KCNIP4: variants seen among roughly 807,000 people sequenced by gnomAD.
The protein encoded by KCNIP4 is potassium voltage-gated channel interacting protein 4.
Under a neutral mutation model 34.0 loss-of-function variants are expected in KCNIP4, and 12 were observed. The ratio of observed to expected loss-of-function variants is 0.35; its 90% CI spans 0.23 to 0.57. The LOEUF (loss-of-function observed/expected upper bound fraction) is 0.57, where lower values mean the gene tolerates loss of function less well. Among genes scored for constraint, KCNIP4 ranks in the 20% least tolerant of loss-of-function variants. The pLI is 0.83. For missense variants in KCNIP4, 238 were observed against 311.7 expected, an observed-to-expected ratio of 0.76 and a Z score of 1.78; for synonymous variants, 124 against 102.2, an observed-to-expected ratio of 1.21 and a Z score of -1.29.
In KCNIP4 at chr4:20,729,798, A is replaced by G. The variant is rs1424675370; in HGVS notation, c.*284T>C. On this transcript the variant is annotated 3_prime_UTR_variant, in exon 9 of 9. Transcript: ENST00000382152. ...TGAAAGCCTCAATAATCCCATGGCTAAGGAACCAATAAAACTATATGCCAG... is the reference window on the plus strand; with the variant it reads ...TGAAAGCCTCAATAATCCCATGGCTGAGGAACCAATAAAACTATATGCCAG... 1 of 302,984 alleles carries G rather than the reference A, an allele frequency of 3.3e-6. No individual in the cohort carries two copies. Among genetic ancestry groups the G allele is most frequent in the Non-Finnish European group, 6.0e-6 (1 of 165,616 alleles). The allele number at this position is 302,984 out of a possible 1,614,324, so 18.8% of individuals were successfully genotyped here. A position where few individuals can be genotyped will look rare whatever the true frequency, so the allele number is the denominator to read the frequency against.
At chr4:20,776,621 T>A (rs1756393510) in intron 3 of KCNIP4, among the ~76,000 whole-genome samples, 1 of 152,220 alleles carries the variant, frequency 6.6e-6, no homozygotes, top group Admixed American at 6.6e-5. Flanking sequence ...AACTAATATC[T>A]CCTTCTTTAA....
intron 1 of KCNIP4, among the ~76,000 whole-genome samples, chr4:21,048,919 A>G (rs1577596371): frequency 6.9e-6 from 1 of 144,346 alleles, no homozygotes; most frequent in African/African-American, 2.6e-5. Flanking sequence ...AACAACCCCC[A>G]GCTCTTTCAG....
chr4:21,654,188 T>C (rs1284198126), intron 1 of KCNIP4, among the ~76,000 whole-genome samples: 1 of 152,230 alleles, frequency 6.6e-6, no homozygotes, highest in African/African-American at 2.4e-5. Flanking sequence ...CAGTTAAGTA[T>C]ACAGAATGAA....
At chr4:21,589,952 T>G (rs1742061136) in intron 1 of KCNIP4, among the ~76,000 whole-genome samples, 1 of 151,966 alleles carries the variant, frequency 6.6e-6, no homozygotes, top group South Asian at 2.1e-4. Flanking sequence ...ATGGTTTGGT[T>G]TAGTGATGAT....
chr4:21,922,864 T>C (rs540532236), intron 1 of KCNIP4, among the ~76,000 whole-genome samples: 1 of 152,316 alleles, frequency 6.6e-6, no homozygotes, highest in South Asian at 2.1e-4. Flanking sequence ...TCCCATACAA[T>C]GATGCCCTCC....
At chr4:20,980,910 C>T (rs1044857095) in intron 1 of KCNIP4, among the ~76,000 whole-genome samples, 4 of 151,900 alleles carry the variant, frequency 2.6e-5, no homozygotes, top group African/African-American at 9.7e-5. Context: ...TTGGGATAAC[C>T]CTGTCAACCT....
At position 20,828,352 on chromosome 4, in the gene KCNIP4, G is replaced by A. The variant is rs144046768; in HGVS notation, c.288+22191C>T. On this transcript the variant is annotated intron_variant, in intron 3 of 8. Transcript: ENST00000382152. ...TGAGGCAGGAGAATCACGTGAACCAGGGAGTTGGAGGTTGCAGTGACCCGA... is the reference window on the plus strand; with the variant it reads ...TGAGGCAGGAGAATCACGTGAACCAAGGAGTTGGAGGTTGCAGTGACCCGA... Among the ~76,000 whole-genome samples the A allele has an allele frequency of 2.9e-3, 447 of 152,310 alleles. 2 individuals carry two copies. Among genetic ancestry groups the A allele is most frequent in the African/African-American group, 0.01 (418 of 41,562 alleles).
chr4:21,669,808 T>C (rs1024794874), intron 1 of KCNIP4, among the ~76,000 whole-genome samples: 8 of 152,294 alleles, frequency 5.3e-5, no homozygotes, highest in African/African-American at 1.7e-4. Flanking sequence ...TTCATGAACA[T>C]AAACACCAAG....
chr4:21,673,162 A>T (rs7682949), intron 1 of KCNIP4, among the ~76,000 whole-genome samples: 9 of 152,060 alleles, frequency 5.9e-5, no homozygotes, highest in Admixed American at 3.9e-4. Flanking sequence ...CTTGTAAGCA[A>T]CTAGCATTTA....
At chr4:21,455,842 T>TTTTTTACAGAATG (rs1728914266) in intron 1 of KCNIP4, among the ~76,000 whole-genome samples, 1 of 98,498 alleles carries the variant, frequency 1.0e-5, no homozygotes, top group African/African-American at 4.8e-5. Flanking sequence ...TATATATATA[T>TTTTTTACAGAATG]ATATATATAT....
At chr4:21,268,818 C>T (rs1035093662) in intron 1 of KCNIP4, among the ~76,000 whole-genome samples, 10 of 152,294 alleles carry the variant, frequency 6.6e-5, no homozygotes, top group East Asian at 1.9e-4. Context: ...GTCCTGGCAA[C>T]GGTCAAGAAA....
chr4:21,676,115 G>T (rs569280656), intron 1 of KCNIP4, among the ~76,000 whole-genome samples: 1 of 152,166 alleles, frequency 6.6e-6, no homozygotes, highest in South Asian at 2.1e-4. Flanking sequence ...GGACTAGGGT[G>T]GAGCGTCACT....
intron 1 of KCNIP4, among the ~76,000 whole-genome samples, chr4:21,517,715 A>G (rs1734878290): frequency 6.6e-6 from 1 of 152,094 alleles, no homozygotes. Flanking sequence ...ACTGACATTC[A>G]TCAAGTACTT....
intron 1 of KCNIP4, among the ~76,000 whole-genome samples, chr4:21,065,652 A>G (rs1360914141): frequency 2.0e-5 from 3 of 148,582 alleles, no homozygotes; most frequent in Admixed American, 6.8e-5. Context: ...AATATAATCC[A>G]GTGGTTTAGT....
chr4:21,397,348 G>T (rs1364830970), intron 1 of KCNIP4, among the ~76,000 whole-genome samples: 3 of 152,092 alleles, frequency 2.0e-5, no homozygotes, highest in Non-Finnish European at 4.4e-5. Context: ...GGAGACATTG[G>T]TATTAATATT....
intron 1 of KCNIP4, among the ~76,000 whole-genome samples, chr4:21,835,366 G>T (rs189248301): frequency 2.0e-5 from 3 of 151,882 alleles, no homozygotes; most frequent in Non-Finnish European, 4.4e-5. Context: ...AAAATAAAAA[G>T]GTGATCAATC....
At chr4:21,876,917 C>T (rs751433941) in intron 1 of KCNIP4, among the ~76,000 whole-genome samples, 5 of 151,930 alleles carry the variant, frequency 3.3e-5, no homozygotes, top group Non-Finnish European at 7.4e-5. Context: ...CATGTGCAAG[C>T]CAGTCCATCT....
chr4:21,926,450 T>A (rs1020487799), intron 1 of KCNIP4, among the ~76,000 whole-genome samples: 12 of 152,200 alleles, frequency 7.9e-5, no homozygotes, highest in Non-Finnish European at 1.2e-4. Flanking sequence ...AAGCAGGTGT[T>A]TTCACTATTT....
intron 1 of KCNIP4, among the ~76,000 whole-genome samples, chr4:21,810,993 C>T (rs1459281): frequency 0.38 from 57,005 of 151,936 alleles, 12,467 homozygotes; most frequent in Non-Finnish European, 0.51. Flanking sequence ...TTTTTTTTAG[C>T]GCCAACATAT....
Sources: allele counts gnomAD v4.1 joint callset (sites outside exome capture counted in the v4.1 genomes callset), GRCh38; gene constraint gnomAD v4.1.1; transcripts MANE v1.5; gene names NCBI Gene and HGNC (gene_info 2026-07-23, HGNC 2026-07-21).